LRRC49: variants seen among roughly 807,000 people sequenced by gnomAD.
LRRC49 encodes the protein leucine rich repeat containing 49.
Under a neutral mutation model 83.3 loss-of-function variants are expected in LRRC49, and 50 were observed. The ratio of observed to expected loss-of-function variants is 0.60; its 90% CI spans 0.48 to 0.76. The LOEUF (loss-of-function observed/expected upper bound fraction) is 0.76, where lower values mean the gene tolerates loss of function less well. LRRC49 is among the 30% of genes least tolerant of loss of function. The pLI is 0.00. For missense variants in LRRC49, 704 were observed against 809.1 expected (o/e 0.87, Z 1.58); for synonymous variants, 286 against 283.3 (o/e 1.01, Z -0.10).
chr15:70,925,130 C>T (rs1008839453), intron 7 of LRRC49, among the ~76,000 whole-genome samples: 1 of 152,018 alleles, frequency 6.6e-6, no homozygotes, highest in Non-Finnish European at 1.5e-5. Context: ...CAATGTTATA[C>T]AGGCTACAGC....
intron 14 of LRRC49, among the ~76,000 whole-genome samples, chr15:71,028,170 A>G (rs1300412750): frequency 6.6e-6 from 1 of 152,128 alleles, no homozygotes; most frequent in Non-Finnish European, 1.5e-5. Context: ...GTTTAATTTT[A>G]TCGAAGGCCT....
intron 1 of LRRC49, chr15:70,860,111 G>C (rs1438485335): frequency 1.4e-6 from 1 of 708,246 alleles, no homozygotes; most frequent in Admixed American, 2.0e-5. Context: ...AGAAGATTGA[G>C]ACCCGTGATG....
At chr15:71,032,372 G>T (rs1047263718) in intron 14 of LRRC49, among the ~76,000 whole-genome samples, 1 of 151,972 alleles carries the variant, frequency 6.6e-6, no homozygotes, top group South Asian at 2.1e-4. Context: ...GAAATCACCC[G>T]CCTTCTGTGT....
chr15:70,882,903 C>T (rs150853216), intron 2 of LRRC49: 23 of 1,613,538 alleles, frequency 1.4e-5, no homozygotes, highest in African/African-American at 8.0e-5. Flanking sequence ...CATTTTCACA[C>T]GTAATCTAAA....
intron 2 of LRRC49, among the ~76,000 whole-genome samples, chr15:70,886,885 G>A (rs576548120): frequency 6.6e-6 from 1 of 151,426 alleles, no homozygotes; most frequent in African/African-American, 2.4e-5. Flanking sequence ...AAAAAAAATC[G>A]ATAAACCATC....
chr15:70,956,012 A>C (rs2036388251), intron 8 of LRRC49, among the ~76,000 whole-genome samples: 1 of 152,236 alleles, frequency 6.6e-6, no homozygotes. Context: ...ACTGATCAAT[A>C]TAAAATAAGT....
intron 9 of LRRC49, among the ~76,000 whole-genome samples, chr15:70,975,343 A>G (rs1160035827): frequency 1.3e-5 from 2 of 152,142 alleles, no homozygotes; most frequent in Non-Finnish European, 2.9e-5. Context: ...TGGGAGGCAG[A>G]ATTTTCCTTT....
At chr15:70,891,993 C>G, upstream of LRRC49, 2 of 1,612,994 alleles carry the variant, frequency 1.2e-6, no homozygotes, top group Non-Finnish European at 1.7e-6. Context: ...GGTGCCGGGG[C>G]GGGCACCCGG....
intron 8 of LRRC49, among the ~76,000 whole-genome samples, chr15:70,962,621 A>C (rs932551907): frequency 3.3e-5 from 5 of 152,162 alleles, no homozygotes; most frequent in Non-Finnish European, 7.4e-5. Flanking sequence ...GAAAAAGAAA[A>C]AAAAAATCCA....
intron 5 of LRRC49, among the ~76,000 whole-genome samples, chr15:70,910,714 T>C (rs1188457416): frequency 3.3e-5 from 5 of 152,204 alleles, no homozygotes; most frequent in Non-Finnish European, 7.3e-5. Context: ...GTACAACTTA[T>C]TCATTTAGTT....
chr15:71,020,904 A>T, intron 14 of LRRC49, among the ~76,000 whole-genome samples: 1 of 152,226 alleles, frequency 6.6e-6, no homozygotes, highest in East Asian at 1.9e-4. Flanking sequence ...GAAAGTACTA[A>T]CTATGTTGGA....
intron 14 of LRRC49, among the ~76,000 whole-genome samples, chr15:71,016,957 C>A (rs1298943829): frequency 6.6e-6 from 1 of 151,690 alleles, no homozygotes; most frequent in East Asian, 1.9e-4. Context: ...AATACAAAGA[C>A]TAACCAGGCA....
chr15:70,919,291 G>T (rs902975479), intron 7 of LRRC49, 98 bp downstream of exon 7: 5 of 1,054,464 alleles, frequency 4.7e-6, no homozygotes, highest in African/African-American at 3.2e-5. Flanking sequence ...AAGAATCTAC[G>T]GTTATTTAGG....
At chr15:70,974,713 A>T (rs1239199157) in intron 9 of LRRC49, among the ~76,000 whole-genome samples, 3 of 151,732 alleles carry the variant, frequency 2.0e-5, no homozygotes, top group Non-Finnish European at 4.4e-5. Flanking sequence ...ATGTTTTCAA[A>T]GCATTGTAAA....
intron 2 of LRRC49, chr15:70,894,688 T>C (rs978965123): frequency 1.6e-5 from 18 of 1,104,922 alleles, no homozygotes; most frequent in African/African-American, 4.9e-5. Flanking sequence ...TAAAAAGTTA[T>C]TAAATAGGCG....
chr15:70,920,304 T>C (rs1164599247), intron 7 of LRRC49, among the ~76,000 whole-genome samples: 1 of 152,190 alleles, frequency 6.6e-6, no homozygotes, highest in African/African-American at 2.4e-5. Flanking sequence ...CCAGAAAATA[T>C]GAGTCAGGTA....
intron 8 of LRRC49, among the ~76,000 whole-genome samples, chr15:70,950,837 C>G (rs2036190554): frequency 6.6e-6 from 1 of 152,056 alleles, no homozygotes; most frequent in Non-Finnish European, 1.5e-5. Context: ...TTTGCCAAGG[C>G]CAACGTCCAG....
chr15:71,022,695 C>A (rs180938970), intron 14 of LRRC49, among the ~76,000 whole-genome samples: 2 of 152,060 alleles, frequency 1.3e-5, no homozygotes, highest in East Asian at 1.9e-4. Flanking sequence ...AAATGTATAA[C>A]CCCAAAATTG....
At chr15:71,035,108 A>T (rs1257739459) in intron 14 of LRRC49, among the ~76,000 whole-genome samples, 1 of 152,174 alleles carries the variant, frequency 6.6e-6, no homozygotes, top group East Asian at 1.9e-4. Flanking sequence ...AGAAAATTAT[A>T]CTATGTAACT....
Sources: gnomAD v4.1 joint callset for allele counts (sites outside exome capture counted in the v4.1 genomes callset) on GRCh38, gnomAD v4.1.1 for gene constraint, MANE v1.5 for transcripts, NCBI Gene and HGNC (gene_info 2026-07-23, HGNC 2026-07-21) for gene names.